The following SHISA9 variants were observed in gnomAD, a reference collection of about 807,000 sequenced individuals.
SHISA9 encodes the protein protein shisa-9.
SHISA9 carries 13 observed loss-of-function variants against 38.0 expected under a neutral mutation model. The observed-to-expected ratio is 0.34, with a 90% CI of 0.22 to 0.54. The LOEUF (loss-of-function observed/expected upper bound fraction) is 0.54, where lower values mean the gene tolerates loss of function less well. Ranked by LOEUF, SHISA9 falls within the 20% of genes least tolerant of loss-of-function variation. SHISA9 has a pLI of 0.91. For missense variants in SHISA9, 538 were observed against 575.8 expected, an observed-to-expected ratio of 0.93 and a Z score of 0.67; for synonymous variants, 275 against 242.0, an observed-to-expected ratio of 1.14 and a Z score of -1.27.
chr16:12,979,053 C>G (rs1308601925), intron 2 of SHISA9, among the ~76,000 whole-genome samples: 1 of 152,192 alleles, frequency 6.6e-6, no homozygotes, highest in Non-Finnish European at 1.5e-5. Flanking sequence ...TCCCAATCTC[C>G]ACGTCTAATC....
chr16:13,130,133 G>A (rs2050294418), intron 2 of SHISA9, among the ~76,000 whole-genome samples: 2 of 152,116 alleles, frequency 1.3e-5, no homozygotes, highest in African/African-American at 2.4e-5. Context: ...GGCTCTCTGA[G>A]CACATCTGTA....
intron 4 of SHISA9, among the ~76,000 whole-genome samples, chr16:13,218,979 G>A (rs986535672): frequency 6.6e-6 from 1 of 152,180 alleles, no homozygotes; most frequent in Admixed American, 6.5e-5. Context: ...TGAGCCGCCG[G>A]GTGCAAAGCA....
the SHISA9 span, among the ~76,000 whole-genome samples, chr16:13,428,773 G>GTTTT: frequency 3.9e-4 from 57 of 145,346 alleles, 1 homozygote; most frequent in African/African-American, 5.9e-4. Context: ...TTGTTTTATT[G>GTTTT]TTTTTTTTTT....
At chr16:13,413,757 C>CAAAA in the SHISA9 span, among the ~76,000 whole-genome samples, 3 of 52,924 alleles carry the variant, frequency 5.7e-5, no homozygotes, top group South Asian at 2.3e-3. Flanking sequence ...GACTTCATCT[C>CAAAA]AAAAAAAAAA....
At chr16:13,450,517 AC>A in the SHISA9 span, among the ~76,000 whole-genome samples, 1 of 152,186 alleles carries the variant, frequency 6.6e-6, no homozygotes, top group Admixed American at 6.5e-5. Flanking sequence ...TTCATCACCC[AC>A]TGCTGTGTAG....
At chr16:13,098,540 G>T (rs907800501) in intron 2 of SHISA9, among the ~76,000 whole-genome samples, 1 of 152,162 alleles carries the variant, frequency 6.6e-6, no homozygotes, top group African/African-American at 2.4e-5. Context: ...AAGGGGGGAG[G>T]TTCTCTTTGT....
intron 2 of SHISA9, among the ~76,000 whole-genome samples, chr16:13,136,848 T>A (rs2050354189): frequency 6.6e-6 from 1 of 152,158 alleles, no homozygotes. Flanking sequence ...TTGACTAATG[T>A]CTCATTGAAA....
rs774972106 is a variant in SHISA9, at chr16:12,902,049, C to T, written c.-16C>T. ...CCAGCGGCGGCCGAGCGGCCGAGCC[C>T]GGGCTGGGAGACACCATGCGCCGCG... On this transcript the variant is annotated 5_prime_UTR_variant, in exon 1 of 5. Transcript: ENST00000558583. 1.4e-6 allele frequency: 2 copies of T among 1,454,986 alleles called. No homozygotes were observed. The highest frequency in any genetic ancestry group is 1.5e-5 in the African/African-American group (1 of 67,396). The allele number at this position is 1,454,986 out of a possible 1,614,324, so 90.1% of individuals were successfully genotyped here.
intron 2 of SHISA9, among the ~76,000 whole-genome samples, chr16:12,952,885 C>G (rs1349976019): frequency 6.6e-6 from 1 of 152,154 alleles, no homozygotes; most frequent in African/African-American, 2.4e-5. Context: ...GTCCTCCTTT[C>G]TGCCCCCTCT....
At chr16:13,397,027 G>A in the SHISA9 span, among the ~76,000 whole-genome samples, 163 of 151,802 alleles carry the variant, frequency 1.1e-3, no homozygotes, top group East Asian at 0.017. Context: ...CAATGAGGAC[G>A]AAGACCTTTA....
At chr16:13,053,604 C>T (rs1050084584) in intron 2 of SHISA9, among the ~76,000 whole-genome samples, 4 of 151,210 alleles carry the variant, frequency 2.6e-5, no homozygotes, top group Non-Finnish European at 5.9e-5. Flanking sequence ...TCTCTGACTT[C>T]ACCTTGCCTG....
At chr16:13,269,655 A>G in the SHISA9 span, among the ~76,000 whole-genome samples, 2 of 152,216 alleles carry the variant, frequency 1.3e-5, no homozygotes, top group Non-Finnish European at 2.9e-5. Context: ...TTTCAGCTAT[A>G]TCATTCTGAG....
the SHISA9 span, among the ~76,000 whole-genome samples, chr16:13,266,352 G>A: frequency 2.0e-5 from 3 of 152,126 alleles, no homozygotes; most frequent in Admixed American, 2.0e-4. Flanking sequence ...TAGGAATTTA[G>A]TTTTCTTATA....
At chr16:13,228,416 G>T (rs1484763088) in intron 4 of SHISA9, among the ~76,000 whole-genome samples, 1 of 152,182 alleles carries the variant, frequency 6.6e-6, no homozygotes, top group Non-Finnish European at 1.5e-5. Context: ...TTTCTGAGGG[G>T]ACATCATGTA....
the SHISA9 span, among the ~76,000 whole-genome samples, chr16:13,295,572 C>T: frequency 1.4e-4 from 22 of 152,216 alleles, no homozygotes; most frequent in Non-Finnish European, 2.8e-4. Context: ...AGGAAGGAGA[C>T]GAGCCTTGGT....
At chr16:12,997,924 C>T (rs1211212794) in intron 2 of SHISA9, among the ~76,000 whole-genome samples, 1 of 152,110 alleles carries the variant, frequency 6.6e-6, no homozygotes, top group Non-Finnish European at 1.5e-5. Flanking sequence ...TTAAACGGTG[C>T]CTTCTCGTCC....
the SHISA9 span, chr16:13,458,484 A>G: frequency 2.3e-5 from 9 of 392,940 alleles, no homozygotes; most frequent in African/African-American, 6.5e-5. Flanking sequence ...ATTTACAGCT[A>G]GAAATTGGTA....
At chr16:12,914,730 A>G (rs1377659043) in intron 1 of SHISA9, among the ~76,000 whole-genome samples, 4 of 152,210 alleles carry the variant, frequency 2.6e-5, no homozygotes, top group African/African-American at 9.6e-5. Flanking sequence ...CGTGATCGAC[A>G]GTTCCCCATG....
chr16:13,333,256 G>A, the SHISA9 span, among the ~76,000 whole-genome samples: 2 of 152,212 alleles, frequency 1.3e-5, no homozygotes, highest in African/African-American at 2.4e-5. Context: ...GGGAGGACCA[G>A]TTTGGTCCTG....
Sources: gnomAD v4.1 joint callset for allele counts (sites outside exome capture counted in the v4.1 genomes callset) on GRCh38, gnomAD v4.1.1 for gene constraint, MANE v1.5 for transcripts, NCBI Gene and HGNC (gene_info 2026-07-23, HGNC 2026-07-21) for gene names.